Variants in NAALADL2 observed in about 807,000 individuals in gnomAD.
NAALADL2 encodes the protein inactive N-acetylated-alpha-linked acidic dipeptidase-like protein 2.
NAALADL2 carries 76 observed loss-of-function variants against 87.2 expected under a neutral mutation model. The ratio of observed to expected loss-of-function variants is 0.87; its 90% CI spans 0.72 to 1.05. The LOEUF (loss-of-function observed/expected upper bound fraction) is 1.05, where lower values mean the gene tolerates loss of function less well. Ranked by LOEUF, NAALADL2 falls within the 50% of genes least tolerant of loss-of-function variation. NAALADL2 has a pLI of 0.00. For missense variants in NAALADL2, 1,089 were observed against 945.8 expected (o/e 1.15, Z -1.99); for synonymous variants, 354 against 331.0 (o/e 1.07, Z -0.75).
Position 174,556,012 on chromosome 3 carries a change from C to T in NAALADL2, c.-115+5375C>T, listed in dbSNP as rs545524062. Among the ~76,000 whole-genome samples the T allele has an allele frequency of 4.5e-3, 521 of 114,800 alleles. 5 individuals are homozygous for T. The highest frequency in any genetic ancestry group is 0.018 in the African/African-American group (477 of 27,026). The allele number at this position is 114,800 out of a possible 152,430, so 75.3% of individuals were successfully genotyped here. ...GTGTGTGTGTGTGTGTGTGTGTGCG[C>T]GCACGTGAGTGTGTTTCTTCTAGTA... On this transcript the variant is annotated intron_variant, in intron 2 of 3. Transcript: ENST00000434257.
At chr3:175,069,269 A>T (rs556543490) in intron 1 of NAALADL2, among the ~76,000 whole-genome samples, 1 of 149,870 alleles carries the variant, frequency 6.7e-6, no homozygotes. Context: ...TCATCTGACA[A>T]AGGGCTAATA....
chr3:175,298,548 C>T (rs1478152916), intron 4 of NAALADL2, among the ~76,000 whole-genome samples: 1 of 151,864 alleles, frequency 6.6e-6, no homozygotes. Flanking sequence ...TAATATTATC[C>T]AACTATACAT....
chr3:175,106,918 A>T (rs891358631), intron 2 of NAALADL2, among the ~76,000 whole-genome samples: 5 of 149,556 alleles, frequency 3.3e-5, no homozygotes, highest in African/African-American at 1.2e-4. Flanking sequence ...ATGCAAAAGT[A>T]TCGAATCAAT....
chr3:174,575,906 C>T (rs1466882979), intron 2 of NAALADL2, among the ~76,000 whole-genome samples: 3 of 151,946 alleles, frequency 2.0e-5, no homozygotes, highest in Non-Finnish European at 1.5e-5. Flanking sequence ...CTCTTGTTGC[C>T]CAGGCTGGAG....
chr3:175,706,039 C>T (rs1487036142), intron 11 of NAALADL2, among the ~76,000 whole-genome samples: 1 of 152,026 alleles, frequency 6.6e-6, no homozygotes, highest in Non-Finnish European at 1.5e-5. Flanking sequence ...GGACTCCAAA[C>T]AGAAAGAATG....
In NAALADL2 at chr3:174,741,574, C is replaced by T. The variant is rs147568539; in HGVS notation, c.-9+3828C>T. 2.2e-3 allele frequency among the ~76,000 whole-genome samples: 335 copies of T among 151,352 alleles called. 2 individuals carry two copies. The highest frequency in any genetic ancestry group is 0.011 in the South Asian group (55 of 4,818). ...TCCCTCTCAGAGGACAAGCTTGTAG[C>T]GGTTTTCTTTCTAAAGGTATAAAAG... is the stretch of plus-strand genomic sequence containing the variant. On this transcript the variant is annotated intron_variant, in intron 3 of 3. Coordinates refer to the NAALADL2 transcript ENST00000434257.
At chr3:174,828,081 G>A (rs540951977) in intron 3 of NAALADL2, among the ~76,000 whole-genome samples, 15 of 152,270 alleles carry the variant, frequency 9.9e-5, no homozygotes, top group African/African-American at 3.1e-4. Context: ...TACTTGGGAG[G>A]TTGAGGCCAA....
At chr3:175,150,558 C>T (rs887316528) in intron 2 of NAALADL2, among the ~76,000 whole-genome samples, 6 of 152,108 alleles carry the variant, frequency 3.9e-5, no homozygotes, top group Non-Finnish European at 7.4e-5. Context: ...CTCCAGAAAC[C>T]AGAAACTGAC....
chr3:174,668,166 C>G (rs1434009969), intron 2 of NAALADL2, among the ~76,000 whole-genome samples: 1 of 151,926 alleles, frequency 6.6e-6, no homozygotes, highest in Non-Finnish European at 1.5e-5. Context: ...GCATGTCTTC[C>G]TTTGTCTATT....
chr3:175,073,476 G>A (rs925911382), intron 1 of NAALADL2, among the ~76,000 whole-genome samples: 1 of 152,032 alleles, frequency 6.6e-6, no homozygotes, highest in East Asian at 1.9e-4. Flanking sequence ...TCCAAAGAGA[G>A]GTTACCACGG....
intron 2 of NAALADL2, among the ~76,000 whole-genome samples, chr3:175,106,658 G>A (rs990031819): frequency 5.3e-5 from 8 of 152,060 alleles, no homozygotes; most frequent in Non-Finnish European, 1.0e-4. Context: ...TGCGGTGTAA[G>A]TTAAACATGG....
intron 3 of NAALADL2, among the ~76,000 whole-genome samples, chr3:174,757,412 A>G (rs1410311696): frequency 3.9e-5 from 6 of 152,248 alleles, no homozygotes; most frequent in Admixed American, 3.9e-4. Flanking sequence ...TGAACAACTA[A>G]GTATGACTTA....
chr3:174,715,983 T>G (rs944375902), intron 2 of NAALADL2, among the ~76,000 whole-genome samples: 1 of 152,318 alleles, frequency 6.6e-6, no homozygotes. Flanking sequence ...GCTAAAATGC[T>G]CAGTCTAATT....
chr3:175,171,337 T>C (rs1257421294), intron 2 of NAALADL2, among the ~76,000 whole-genome samples: 1 of 152,040 alleles, frequency 6.6e-6, no homozygotes, highest in Non-Finnish European at 1.5e-5. Flanking sequence ...AAAGTCACAT[T>C]TTGCCATCCT....
chr3:175,054,925 C>T (rs998741498), intron 1 of NAALADL2, among the ~76,000 whole-genome samples: 17 of 152,110 alleles, frequency 1.1e-4, no homozygotes, highest in African/African-American at 4.1e-4. Context: ...TGAATAGTTC[C>T]AGGTTGTCCA....
At chr3:174,584,879 A>T (rs1716539055) in intron 2 of NAALADL2, among the ~76,000 whole-genome samples, 1 of 152,110 alleles carries the variant, frequency 6.6e-6, no homozygotes, top group Non-Finnish European at 1.5e-5. Flanking sequence ...CACTCTCTTG[A>T]TCAACTTCAC....
At chr3:175,285,508 C>T (rs1239343987) in intron 4 of NAALADL2, among the ~76,000 whole-genome samples, 1 of 152,098 alleles carries the variant, frequency 6.6e-6, no homozygotes, top group Non-Finnish European at 1.5e-5. Flanking sequence ...AAGTAGTATA[C>T]ATTCATTCCT....
chr3:174,995,209 T>C (rs766731256), intron 1 of NAALADL2, among the ~76,000 whole-genome samples: 1 of 152,040 alleles, frequency 6.6e-6, no homozygotes, highest in Non-Finnish European at 1.5e-5. Flanking sequence ...CCCAGATAAT[T>C]TTAGAGTAAT....
intron 10 of NAALADL2, among the ~76,000 whole-genome samples, chr3:175,608,290 C>G (rs1466499303): frequency 6.7e-6 from 1 of 149,950 alleles, no homozygotes; most frequent in Non-Finnish European, 1.5e-5. Context: ...TTCAAAACAT[C>G]ATTTTTATTA....
Sources: allele counts gnomAD v4.1 joint callset (sites outside exome capture counted in the v4.1 genomes callset), GRCh38; gene constraint gnomAD v4.1.1; transcripts MANE v1.5; gene names NCBI Gene and HGNC (gene_info 2026-07-23, HGNC 2026-07-21).